DYNC2H1: variants seen among roughly 807,000 people sequenced by gnomAD.
The protein encoded by DYNC2H1 is cytoplasmic dynein 2 heavy chain 1.
A neutral mutation model predicts 570.0 loss-of-function variants in DYNC2H1; 410 were observed. That is an observed-to-expected ratio of 0.72 (90% CI 0.66 to 0.78). The LOEUF (loss-of-function observed/expected upper bound fraction) is 0.78, where lower values mean the gene tolerates loss of function less well. Ranked by LOEUF, DYNC2H1 falls within the 30% of genes least tolerant of loss-of-function variation. The pLI, the probability that DYNC2H1 is intolerant of heterozygous loss-of-function variation, is 0.00. For missense variants in DYNC2H1, 4,865 were observed against 5,046.4 expected, an observed-to-expected ratio of 0.96 and a Z score of 1.09; for synonymous variants, 1,688 against 1,677.6, an observed-to-expected ratio of 1.01 and a Z score of -0.15.
intron 83 of DYNC2H1, among the ~76,000 whole-genome samples, chr11:103,373,741 AT>A (rs1209363378): frequency 6.6e-6 from 1 of 152,010 alleles, no homozygotes; most frequent in Non-Finnish European, 1.5e-5. Context: ...ATGGTTTTTT[AT>A]TTTTTGTCTA....
Position 103,211,979 on chromosome 11 carries a change from A to G in DYNC2H1, c.8694+36A>G, listed in dbSNP as rs1014029500. On this transcript the variant is annotated intron_variant, in intron 54 of 88. Coordinates refer to ENST00000375735, the MANE Select transcript of DYNC2H1 (RefSeq NM_001377.3). ...GGTAATCTTGAATTATTTTATCTAT[A>G]TATAGGAAACAAGAGTTTTGTAAAT... The G allele has an allele frequency of 6.2e-6, 9 of 1,459,492 alleles. No homozygotes were observed. In the Admixed American group the frequency reaches 1.1e-4, roughly 17 times the overall value. The allele number at this position is 1,459,492 out of a possible 1,614,324, so 90.4% of individuals were successfully genotyped here. A position where few individuals can be genotyped will look rare whatever the true frequency, so the allele number is the denominator to read the frequency against.
intron 40 of DYNC2H1, among the ~76,000 whole-genome samples, chr11:103,183,858 T>C (rs1193499656): frequency 2.0e-5 from 3 of 151,906 alleles, no homozygotes; most frequent in African/African-American, 7.2e-5. Context: ...GCGATGTTTT[T>C]AAAATGTAAA....
intron 59 of DYNC2H1, among the ~76,000 whole-genome samples, chr11:103,224,151 A>T (rs1193945324): frequency 6.6e-6 from 1 of 152,196 alleles, no homozygotes; most frequent in East Asian, 1.9e-4. Flanking sequence ...AGATTTAACC[A>T]CTTACTATTA....
intron 59 of DYNC2H1, among the ~76,000 whole-genome samples, chr11:103,226,553 T>C (rs1053432926): frequency 6.6e-5 from 10 of 152,182 alleles, no homozygotes; most frequent in African/African-American, 2.2e-4. Context: ...GCATCCCTGG[T>C]ATGAAACCCA....
In DYNC2H1 at chr11:103,253,537, A is replaced by G. The variant is rs1049240602; in HGVS notation, c.10206+89A>G. The G allele has an allele frequency of 4.9e-6, 6 of 1,227,686 alleles. No homozygotes were observed. The African/African-American group carries it at 6.1e-5, about 12-fold the overall frequency. 76.0% of individuals were successfully genotyped at this position (1,227,686 alleles called of 1,614,324 possible). On this transcript the variant is annotated intron_variant, in intron 66 of 88. Transcript: ENST00000375735. Reference sequence around the variant, plus strand: ...TGTGAGTGAGAAGCTATTTTGTTAGACTAATTAGTATTTACATTTATGATT... The same window carrying G: ...TGTGAGTGAGAAGCTATTTTGTTAGGCTAATTAGTATTTACATTTATGATT...
At chr11:103,224,253 T>TA (rs781089063) in intron 59 of DYNC2H1, among the ~76,000 whole-genome samples, 11,558 of 151,912 alleles carry the variant, frequency 0.076, 1,445 homozygotes, top group African/African-American at 0.26. Flanking sequence ...TATGTTCTTT[T>TA]AAAAAAAAAA....
chr11:103,331,445 T>C (rs1474282832), intron 82 of DYNC2H1, among the ~76,000 whole-genome samples: 1 of 152,160 alleles, frequency 6.6e-6, no homozygotes, highest in Non-Finnish European at 1.5e-5. Flanking sequence ...ACCCCTGCTT[T>C]ATATAAAAGT....
chr11:103,131,937 G>A (rs1859298881), intron 13 of DYNC2H1, among the ~76,000 whole-genome samples: 1 of 151,984 alleles, frequency 6.6e-6, no homozygotes, highest in South Asian at 2.1e-4. Flanking sequence ...TATCCTATTT[G>A]GGGTTTACTC....
intron 21 of DYNC2H1, among the ~76,000 whole-genome samples, chr11:103,152,740 G>C (rs530561570): frequency 3.9e-5 from 6 of 152,216 alleles, no homozygotes; most frequent in African/African-American, 1.4e-4. Context: ...CAATCTTTTT[G>C]TCTACCATCT....
At chr11:103,260,031 C>A in intron 70 of DYNC2H1, 54 bp downstream of exon 70, 1 of 949,968 alleles carries the variant, frequency 1.1e-6, no homozygotes, top group Non-Finnish European at 1.5e-6. Flanking sequence ...TGTGATTTAA[C>A]GTAATATTTA....
At chr11:103,411,838 A>ATACTT (rs1943102196) in intron 84 of DYNC2H1, among the ~76,000 whole-genome samples, 1 of 152,150 alleles carries the variant, frequency 6.6e-6, no homozygotes, top group African/African-American at 2.4e-5. Flanking sequence ...ATTCTATATT[A>ATACTT]TACTTTGAAT....
intron 50 of DYNC2H1, among the ~76,000 whole-genome samples, chr11:103,200,680 T>C (rs532622890): frequency 6.6e-6 from 1 of 152,328 alleles, no homozygotes; most frequent in African/African-American, 2.4e-5. Context: ...TCCAGATATA[T>C]GAAATTCCAC....
chr11:103,318,221 G>A (rs764680197), intron 80 of DYNC2H1, among the ~76,000 whole-genome samples: 3 of 152,002 alleles, frequency 2.0e-5, no homozygotes, highest in Non-Finnish European at 2.9e-5. Flanking sequence ...ATTCCCCCAC[G>A]TAGCCAGCAC....
chr11:103,391,710 C>T (rs1942159009), intron 83 of DYNC2H1, among the ~76,000 whole-genome samples: 1 of 152,236 alleles, frequency 6.6e-6, no homozygotes, highest in South Asian at 2.1e-4. Flanking sequence ...AGTTTTCCTT[C>T]TAACAGTAAA....
intron 13 of DYNC2H1, among the ~76,000 whole-genome samples, chr11:103,130,574 C>A (rs1301270982): frequency 1.3e-5 from 2 of 152,094 alleles, no homozygotes; most frequent in African/African-American, 4.8e-5. Context: ...AAGAAATGAC[C>A]ATTTTAAGAA....
At chr11:103,341,677 A>G (rs770554474) in intron 82 of DYNC2H1, among the ~76,000 whole-genome samples, 2 of 152,168 alleles carry the variant, frequency 1.3e-5, no homozygotes, top group Non-Finnish European at 2.9e-5. Context: ...ATGTCATCAA[A>G]TCTGTATATC....
intron 82 of DYNC2H1, among the ~76,000 whole-genome samples, chr11:103,342,499 C>G (rs905532728): frequency 1.4e-5 from 2 of 147,518 alleles, no homozygotes; most frequent in African/African-American, 5.0e-5. Flanking sequence ...CTCTTTGAGT[C>G]TGTGCCACCT....
chr11:103,233,539 G>T lies in DYNC2H1; in HGVS notation c.9441-495G>T, dbSNP rs542750632. Among the ~76,000 whole-genome samples the T allele has an allele frequency of 4.6e-5, 7 of 151,880 alleles. No individual in the cohort carries two copies. In the East Asian group the frequency reaches 1.4e-3, roughly 29 times the overall value. ...GTATTTTTAGTGGTAGATGTTAGAG[G>T]GGGTTGGGCTGTGGGGTGAGGAAGG... is the stretch of plus-strand genomic sequence containing the variant. On this transcript the variant is annotated intron_variant, in intron 60 of 88. Coordinates refer to ENST00000375735, the MANE Select transcript of DYNC2H1 (RefSeq NM_001377.3).
chr11:103,356,451 CAG>C (rs940769765), intron 82 of DYNC2H1, among the ~76,000 whole-genome samples: 5 of 152,124 alleles, frequency 3.3e-5, no homozygotes, highest in Non-Finnish European at 7.4e-5. Flanking sequence ...ATTCTTAAAA[CAG>C]ATTTTAACAT....
Sources: allele counts gnomAD v4.1 joint callset (sites outside exome capture counted in the v4.1 genomes callset), GRCh38; gene constraint gnomAD v4.1.1; transcripts MANE v1.5; gene names NCBI Gene and HGNC (gene_info 2026-07-23, HGNC 2026-07-21).